Variants in FGGY observed in about 807,000 individuals in gnomAD.
FGGY encodes the protein FGGY carbohydrate kinase domain containing.
Under a neutral mutation model 71.3 loss-of-function variants are expected in FGGY, and 72 were observed. That is an observed-to-expected ratio of 1.01 (90% confidence interval 0.84 to 1.23). The LOEUF (loss-of-function observed/expected upper bound fraction) is 1.23, where lower values mean the gene tolerates loss of function less well. Ranked by LOEUF, FGGY falls within the 50% of genes most tolerant of loss-of-function variation. The pLI is 0.00. For synonymous variants in FGGY, 251 were observed against 250.3 expected (o/e 1.00, Z -0.02); for missense variants, 668 against 682.3 (o/e 0.98, Z 0.23).
intron 5 of FGGY, among the ~76,000 whole-genome samples, chr1:59,409,599 T>C (rs2063295658): frequency 2.3e-5 from 1 of 44,300 alleles, no homozygotes; most frequent in African/African-American, 1.3e-4. Flanking sequence ...AAGAGTTTTT[T>C]ATATATATAT....
At chr1:59,499,295 G>GTTTTTTTTT (rs1558134095) in intron 6 of FGGY, among the ~76,000 whole-genome samples, 2 of 70,118 alleles carry the variant, frequency 2.9e-5, no homozygotes, top group African/African-American at 1.6e-4. Flanking sequence ...TGTATACTAT[G>GTTTTTTTTT]TTTGTTTTTT....
chr1:59,572,194 T>C (rs2095998230), intron 8 of FGGY, among the ~76,000 whole-genome samples: 1 of 152,118 alleles, frequency 6.6e-6, no homozygotes, highest in Admixed American at 6.5e-5. Flanking sequence ...TGCCATATAA[T>C]TTGGGTGGTC....
chr1:59,641,064 A>C (rs377763847), intron 11 of FGGY, among the ~76,000 whole-genome samples: 1 of 150,922 alleles, frequency 6.6e-6, no homozygotes, highest in Non-Finnish European at 1.5e-5. Context: ...GCGGTCAGGA[A>C]AGCTCCAGAC....
chr1:59,419,150 T>C (rs909346852), intron 5 of FGGY, among the ~76,000 whole-genome samples: 2 of 152,178 alleles, frequency 1.3e-5, no homozygotes, highest in Admixed American at 1.3e-4. Context: ...GTTGTGGTGC[T>C]AGTGGCAGTG....
At chr1:59,601,261 G>T (rs372760779) in intron 8 of FGGY, among the ~76,000 whole-genome samples, 122 of 152,330 alleles carry the variant, frequency 8.0e-4, no homozygotes, top group African/African-American at 2.9e-3. Flanking sequence ...CGGAGTGATG[G>T]CGTTGCAGGG....
intron 14 of FGGY, among the ~76,000 whole-genome samples, chr1:59,685,708 A>G (rs1030366169): frequency 2.0e-4 from 31 of 152,194 alleles, no homozygotes; most frequent in Admixed American, 1.9e-3. Flanking sequence ...CCAAATATCT[A>G]TGGGACAGAT....
At chr1:59,530,706 G>A (rs2095119098) in intron 7 of FGGY, among the ~76,000 whole-genome samples, 1 of 152,194 alleles carries the variant, frequency 6.6e-6, no homozygotes, top group Non-Finnish European at 1.5e-5. Flanking sequence ...GAGGGAGGTA[G>A]TATGCACCAA....
intron 7 of FGGY, among the ~76,000 whole-genome samples, chr1:59,542,314 G>C (rs2095452405): frequency 6.6e-6 from 1 of 152,112 alleles, no homozygotes; most frequent in Non-Finnish European, 1.5e-5. Context: ...CACAGTACCT[G>C]ATGTAAAGTT....
At chr1:59,394,476 C>A (rs999756346) in intron 5 of FGGY, among the ~76,000 whole-genome samples, 1 of 152,164 alleles carries the variant, frequency 6.6e-6, no homozygotes, top group African/African-American at 2.4e-5. Flanking sequence ...ACGTTACATA[C>A]CATTTCTGCA....
At chr1:59,570,603 G>A (rs535884201) in intron 8 of FGGY, among the ~76,000 whole-genome samples, 61 of 152,296 alleles carry the variant, frequency 4.0e-4, no homozygotes, top group Non-Finnish European at 6.6e-4. Context: ...GAGTGAAACA[G>A]TGAGAGATCC....
chr1:59,300,546 TTTATC>T (rs1326879292), intron 1 of FGGY, among the ~76,000 whole-genome samples: 4 of 152,214 alleles, frequency 2.6e-5, no homozygotes, highest in Non-Finnish European at 5.9e-5. Flanking sequence ...CTTTTTGTGT[TTTATC>T]TAAGATATCT....
chr1:59,607,717 C>A, intron 8 of FGGY, 86 bp from the exon 9 acceptor site: 1 of 1,025,244 alleles, frequency 9.8e-7, no homozygotes, highest in South Asian at 1.6e-5. Flanking sequence ...AAGCTGAATT[C>A]CATGGTCATA....
At chr1:59,762,410 C>G in intron 15 of FGGY, 93 bp from the exon 16 acceptor site, 2 of 912,740 alleles carry the variant, frequency 2.2e-6, no homozygotes, top group Non-Finnish European at 3.4e-6. Context: ...AGCATCACCA[C>G]CACACATATA....
chr1:59,654,151 G>A (rs1198683543), intron 11 of FGGY, among the ~76,000 whole-genome samples: 1 of 152,232 alleles, frequency 6.6e-6, no homozygotes, highest in Non-Finnish European at 1.5e-5. Context: ...AATGTGGATA[G>A]GATTTAGGCA....
At chr1:59,745,963 G>C (rs533390228) in intron 14 of FGGY, among the ~76,000 whole-genome samples, 3 of 152,202 alleles carry the variant, frequency 2.0e-5, no homozygotes, top group Non-Finnish European at 4.4e-5. Flanking sequence ...CAGTCTCAAG[G>C]GGGGCTGTGG....
chr1:59,555,337 G>A (rs932087622), intron 8 of FGGY, among the ~76,000 whole-genome samples: 12 of 152,172 alleles, frequency 7.9e-5, no homozygotes, highest in Non-Finnish European at 1.5e-4. Flanking sequence ...GCCAGCCCGA[G>A]TGGTTTCCAG....
At chr1:59,455,222 G>A (rs1013137797) in intron 5 of FGGY, among the ~76,000 whole-genome samples, 12 of 152,276 alleles carry the variant, frequency 7.9e-5, no homozygotes, top group African/African-American at 2.9e-4. Context: ...TAAGATAAAG[G>A]TATGTCCAGA....
intron 10 of FGGY, chr1:59,626,393 T>C: frequency 5.2e-6 from 1 of 193,750 alleles, no homozygotes; most frequent in Non-Finnish European, 1.0e-5. Flanking sequence ...TTACTTAACC[T>C]CTTTATGCCT....
chr1:59,434,778 C>T (rs1310923816), intron 5 of FGGY, among the ~76,000 whole-genome samples: 1 of 151,662 alleles, frequency 6.6e-6, no homozygotes, highest in South Asian at 2.1e-4. Flanking sequence ...CTAATCACCT[C>T]CCAAAGCCCC....
Sources: allele counts gnomAD v4.1 joint callset (sites outside exome capture counted in the v4.1 genomes callset), GRCh38; gene constraint gnomAD v4.1.1; transcripts MANE v1.5; gene names NCBI Gene and HGNC (gene_info 2026-07-23, HGNC 2026-07-21).